Variants in MTMR3 observed in about 807,000 individuals in gnomAD.
MTMR3 encodes the protein myotubularin related protein 3, also known as phosphatidylinositol-3,5-bisphosphate 3-phosphatase MTMR3.
In MTMR3, 32 loss-of-function variants were observed where a neutral mutation model predicts 132.4. The ratio of observed to expected loss-of-function variants is 0.24; its 90% CI spans 0.18 to 0.32. The LOEUF is 0.32. Among genes scored for constraint, MTMR3 ranks in the 10% least tolerant of loss-of-function variants. The pLI is 1.00. For synonymous variants in MTMR3, 556 were observed against 550.3 expected (o/e 1.01, Z -0.14); for missense variants, 1,216 against 1,489.6 (o/e 0.82, Z 3.02).
intron 1 of MTMR3, among the ~76,000 whole-genome samples, chr22:29,912,708 T>C (rs2065237333): frequency 6.6e-6 from 1 of 152,166 alleles, no homozygotes; most frequent in African/African-American, 2.4e-5. Flanking sequence ...AGATTCAGAA[T>C]TGGAAGGCCT....
intron 1 of MTMR3, among the ~76,000 whole-genome samples, chr22:29,888,010 CTGTTT>C (rs906227517): frequency 1.3e-5 from 2 of 151,406 alleles, no homozygotes; most frequent in African/African-American, 4.9e-5. Flanking sequence ...GTAGTTAATA[CTGTTT>C]TGTTTTGTTT....
At chr22:29,908,068 A>G (rs57618117) in intron 1 of MTMR3, among the ~76,000 whole-genome samples, 2,326 of 152,284 alleles carry the variant, frequency 0.015, 64 homozygotes, top group African/African-American at 0.053. Context: ...AATGGTATAT[A>G]GGTAGGAAGG....
chr22:29,940,393 G>A (rs1408561974), intron 1 of MTMR3, among the ~76,000 whole-genome samples: 1 of 139,976 alleles, frequency 7.1e-6, no homozygotes, highest in Non-Finnish European at 1.5e-5. Flanking sequence ...AAGAACTAAT[G>A]ATAATCCTAC....
chr22:30,015,387 C>T (rs1442428565), intron 14 of MTMR3: 1 of 151,752 alleles, frequency 6.6e-6, no homozygotes, highest in Non-Finnish European at 1.5e-5. Flanking sequence ...TCCTGTGTTT[C>T]CTCACTATAA....
chr22:30,013,094 A>G (rs1268309087), intron 13 of MTMR3: 1 of 289,578 alleles, frequency 3.5e-6, no homozygotes, highest in African/African-American at 2.2e-5. Context: ...AGTGAACACA[A>G]GAGGCTAAAA....
intron 1 of MTMR3, among the ~76,000 whole-genome samples, chr22:29,926,371 C>T (rs1481835360): frequency 6.6e-6 from 1 of 152,084 alleles, no homozygotes; most frequent in Non-Finnish European, 1.5e-5. Flanking sequence ...TTTGTGGGGA[C>T]ACACGTTTTC....
intron 1 of MTMR3, among the ~76,000 whole-genome samples, chr22:29,947,263 G>C (rs1294679758): frequency 6.6e-6 from 1 of 152,044 alleles, no homozygotes; most frequent in African/African-American, 2.4e-5. Context: ...AGCTCAGATT[G>C]ACTTTGGAAA....
chr22:29,896,732 A>G (rs1411194800), intron 1 of MTMR3, among the ~76,000 whole-genome samples: 1 of 152,112 alleles, frequency 6.6e-6, no homozygotes, highest in Non-Finnish European at 1.5e-5. Context: ...GTATAACATA[A>G]CCATTTATTT....
At chr22:30,015,858 A>G (rs1213620916) in intron 14 of MTMR3, 2 of 152,314 alleles carry the variant, frequency 1.3e-5, no homozygotes, top group Non-Finnish European at 2.9e-5. Context: ...GCTGTAGCTC[A>G]GAAATTGCAA....
intron 7 of MTMR3, 106 bp from the exon 8 acceptor site, chr22:29,998,655 T>A: frequency 1.8e-6 from 1 of 548,092 alleles, no homozygotes. Flanking sequence ...AAAATATATA[T>A]ATATTTACAT....
At chr22:30,016,299 G>A (rs930590160) in intron 14 of MTMR3, 2 of 479,888 alleles carry the variant, frequency 4.2e-6, no homozygotes, top group Non-Finnish European at 7.5e-6. Flanking sequence ...ATTTATCACG[G>A]AAGCTAAGAG....
At chr22:29,940,672 A>T (rs1002537278) in intron 1 of MTMR3, among the ~76,000 whole-genome samples, 5 of 150,288 alleles carry the variant, frequency 3.3e-5, no homozygotes, top group Non-Finnish European at 5.9e-5. Context: ...CTTATTGCCA[A>T]TAGACTAGCA....
At chr22:29,884,551 CTTTTTTTT>C (rs35960936) in intron 1 of MTMR3, among the ~76,000 whole-genome samples, 57 of 62,684 alleles carry the variant, frequency 9.1e-4, no homozygotes, top group African/African-American at 2.1e-3. Context: ...CAGAATGACA[CTTTTTTTT>C]TTTTTTTTTT....
At chr22:29,928,836 CA>C (rs1251717398) in intron 1 of MTMR3, among the ~76,000 whole-genome samples, 2 of 152,036 alleles carry the variant, frequency 1.3e-5, no homozygotes, top group African/African-American at 2.4e-5. Context: ...AAACATGCCT[CA>C]GGGAATATTT....
chr22:29,924,090 C>G, intron 1 of MTMR3, among the ~76,000 whole-genome samples: 1 of 152,112 alleles, frequency 6.6e-6, no homozygotes. Flanking sequence ...GGTGTCTTAT[C>G]CAAGAAATCA....
intron 1 of MTMR3, among the ~76,000 whole-genome samples, chr22:29,951,337 C>A (rs1476847531): frequency 6.6e-6 from 1 of 152,056 alleles, no homozygotes; most frequent in African/African-American, 2.4e-5. Context: ...TCCCCTACCC[C>A]CTATCTCTTG....
chr22:29,973,077 T>A (rs1308170913), intron 3 of MTMR3, among the ~76,000 whole-genome samples: 1 of 152,252 alleles, frequency 6.6e-6, no homozygotes, highest in Non-Finnish European at 1.5e-5. Flanking sequence ...ATATACTGTA[T>A]AATAGCATTT....
intron 1 of MTMR3, among the ~76,000 whole-genome samples, chr22:29,905,370 C>T (rs570731201): frequency 2.0e-5 from 3 of 152,200 alleles, no homozygotes; most frequent in South Asian, 2.1e-4. Context: ...CCCTGTTGTT[C>T]GAAGGACAAC....
intron 2 of MTMR3, among the ~76,000 whole-genome samples, chr22:29,970,248 C>G (rs866048222): frequency 6.6e-6 from 1 of 152,190 alleles, no homozygotes; most frequent in Non-Finnish European, 1.5e-5. Flanking sequence ...TTGGTTTCCT[C>G]AGATGGGGGA....
Sources: gnomAD v4.1 joint callset for allele counts (sites outside exome capture counted in the v4.1 genomes callset) on GRCh38, gnomAD v4.1.1 for gene constraint, MANE v1.5 for transcripts, NCBI Gene and HGNC (gene_info 2026-07-23, HGNC 2026-07-21) for gene names.